Variants in ARHGEF2 observed in about 807,000 individuals in gnomAD.
ARHGEF2 encodes the protein rho guanine nucleotide exchange factor 2.
A neutral mutation model predicts 121.0 loss-of-function variants in ARHGEF2; 22 were observed. The observed-to-expected ratio is 0.18, with a 90% CI of 0.13 to 0.26. ARHGEF2 has a LOEUF of 0.26. Ranked by LOEUF, ARHGEF2 falls within the 10% of genes least tolerant of loss-of-function variation. The pLI is 1.00. For synonymous variants in ARHGEF2, 487 were observed against 530.0 expected (o/e 0.92, Z 1.11); for missense variants, 907 against 1,336.0 (o/e 0.68, Z 5.01).
intron 13 of ARHGEF2, among the ~76,000 whole-genome samples, chr1:155,956,887 CAAAAAA>C (rs34831517): frequency 6.2e-5 from 5 of 80,394 alleles, no homozygotes; most frequent in East Asian, 3.5e-4. Context: ...ACTCTGTCTC[CAAAAAA>C]AAAAAAAAAA....
At chr1:155,960,416 T>A (rs1465739217) in intron 11 of ARHGEF2, among the ~76,000 whole-genome samples, 7 of 151,074 alleles carry the variant, frequency 4.6e-5, no homozygotes, top group Non-Finnish European at 1.0e-4. Context: ...TACAGTGAGC[T>A]ATGACTGCAC....
At chr1:155,969,087 A>C in intron 2 of ARHGEF2, 69 bp downstream of exon 2, 1 of 1,584,310 alleles carries the variant, frequency 6.3e-7, no homozygotes, top group Non-Finnish European at 8.6e-7. Context: ...CCAGGCAGAA[A>C]AAACAGATGA....
chr1:155,972,227 C>A, intron 1 of ARHGEF2: 1 of 467,014 alleles, frequency 2.1e-6, no homozygotes. Flanking sequence ...TACTCTGGGC[C>A]CTGCCTCCTC....
intron 11 of ARHGEF2, among the ~76,000 whole-genome samples, chr1:155,959,910 G>A (rs12080846): frequency 0.26 from 39,421 of 151,938 alleles, 6,062 homozygotes; most frequent in East Asian, 0.78. Context: ...AGACCTTTAC[G>A]GCTATCTGAC....
chr1:155,967,375 G>A (rs983615524), intron 2 of ARHGEF2, among the ~76,000 whole-genome samples: 2 of 152,144 alleles, frequency 1.3e-5, no homozygotes, highest in African/African-American at 4.8e-5. Context: ...ACCCGTAGAG[G>A]GAGGTTCAGT....
In ARHGEF2 at chr1:155,947,676, TA is replaced by T; in HGVS notation, c.*265del. On this transcript the variant is annotated 3_prime_UTR_variant, in exon 22 of 22. Coordinates refer to ENST00000361247, the MANE Select transcript of ARHGEF2 (RefSeq NM_001162383.2). Reference sequence around the variant, plus strand: ...CTCTCCCCCCATAACTAATAAACAATAAATAAATAAATTTTCCTAAAGTTGC... The same window carrying T: ...CTCTCCCCCCATAACTAATAAACAATAATAAATAAATTTTCCTAAAGTTGC... The T allele has an allele frequency of 4.2e-6, 2 of 480,262 alleles. No homozygotes were observed. Among genetic ancestry groups the T allele is most frequent in the Non-Finnish European group, 7.5e-6 (2 of 267,440 alleles). 29.8% of individuals were successfully genotyped at this position (480,262 alleles called of 1,614,324 possible).
intron 7 of ARHGEF2, 111 bp downstream of exon 7, chr1:155,964,877 A>G: frequency 8.2e-7 from 1 of 1,222,894 alleles, no homozygotes; most frequent in Non-Finnish European, 1.1e-6. Context: ...TGGTTGAGAG[A>G]GTGAGACTCC....
intron 7 of ARHGEF2, among the ~76,000 whole-genome samples, chr1:155,963,940 T>C (rs920386222): frequency 1.1e-4 from 16 of 150,500 alleles, no homozygotes; most frequent in African/African-American, 3.9e-4. Flanking sequence ...AGGTCAGGTG[T>C]TCGAGACCAG....
intron 1 of ARHGEF2, chr1:155,969,539 C>T: frequency 7.3e-7 from 1 of 1,363,048 alleles, no homozygotes; most frequent in Non-Finnish European, 9.5e-7. Flanking sequence ...CCTACCTGGC[C>T]CCTACGGCTG....
At chr1:155,956,882 G>T (rs1361732444) in intron 13 of ARHGEF2, among the ~76,000 whole-genome samples, 1 of 92,006 alleles carries the variant, frequency 1.1e-5, no homozygotes, top group East Asian at 3.4e-4. Flanking sequence ...CAGAGACTCT[G>T]TCTCCAAAAA....
chr1:155,962,369 G>C lies in ARHGEF2; in HGVS notation c.1102-147C>G. Reference sequence around the variant, plus strand: ...GGAAAATGGGGATAACAACGCCACAGGTTTGTTGTGAGGACCAACTGAAGG... The same window carrying C: ...GGAAAATGGGGATAACAACGCCACACGTTTGTTGTGAGGACCAACTGAAGG... On this transcript the variant is annotated intron_variant, in intron 9 of 21. Transcript: ENST00000361247. The surrounding 1 kb of genome is among the most constrained non-coding windows in gnomAD (Gnocchi z 5.8). 4 of 1,038,084 alleles carry C rather than the reference G, an allele frequency of 3.9e-6. No homozygotes were observed. Among genetic ancestry groups the C allele is most frequent in the Non-Finnish European group, 5.6e-6 (4 of 712,196 alleles). The allele number at this position is 1,038,084 out of a possible 1,614,324, so 64.3% of individuals were successfully genotyped here.
chr1:155,958,190 T>G (rs1337208108), intron 12 of ARHGEF2, 130 bp downstream of exon 12: 17 of 723,872 alleles, frequency 2.3e-5, no homozygotes, highest in Admixed American at 5.3e-5. Flanking sequence ...TTTTTATTAT[T>G]ACGGTAATAG....
At chr1:155,967,027 A>G in intron 2 of ARHGEF2, 140 bp from the exon 3 acceptor site, 2 of 725,240 alleles carry the variant, frequency 2.8e-6, no homozygotes, top group South Asian at 1.6e-5. Flanking sequence ...GGCCATTACC[A>G]CACCCCAGTC....
At chr1:155,966,932 C>T in intron 2 of ARHGEF2, 45 bp from the exon 3 acceptor site, 1 of 1,563,370 alleles carries the variant, frequency 6.4e-7, no homozygotes, top group Non-Finnish European at 8.8e-7. Context: ...CCGGGTGGTA[C>T]AGGAGGGGAC....
At chr1:155,954,344 C>T (rs1676189832) in intron 14 of ARHGEF2, among the ~76,000 whole-genome samples, 1 of 133,000 alleles carries the variant, frequency 7.5e-6, no homozygotes, top group East Asian at 2.2e-4. Flanking sequence ...AGTGCAGTGG[C>T]GTGATCTCAG....
intron 7 of ARHGEF2, among the ~76,000 whole-genome samples, chr1:155,963,705 T>C (rs1678460586): frequency 6.6e-6 from 1 of 151,118 alleles, no homozygotes; most frequent in South Asian, 2.1e-4. Context: ...GAGGTCTTAC[T>C]CTGGTGCCCA....
intron 11 of ARHGEF2, among the ~76,000 whole-genome samples, chr1:155,960,042 C>A (rs1413561231): frequency 6.6e-6 from 1 of 152,162 alleles, no homozygotes; most frequent in Non-Finnish European, 1.5e-5. Context: ...TCTCCTTCAA[C>A]CCCAGCAGGC....
Position 155,964,180 on chromosome 1 carries a change from A to G in ARHGEF2, c.724+808T>C, listed in dbSNP as rs11264425. On this transcript the variant is annotated intron_variant, in intron 7 of 21. Coordinates refer to ENST00000361247, the MANE Select transcript of ARHGEF2 (RefSeq NM_001162383.2). Reference sequence around the variant, plus strand: ...AAAAAAAAAAAAAATATATATATATATATATATATATATATATACATATAT... The same window carrying G: ...AAAAAAAAAAAAAATATATATATATGTATATATATATATATATACATATAT... Among the ~76,000 whole-genome samples, 163 of 101,472 alleles carry G rather than the reference A, an allele frequency of 1.6e-3. 1 individual carries two copies. Among genetic ancestry groups the G allele is most frequent in the Middle Eastern group, 6.5e-3 (1 of 154 alleles). 66.6% of individuals were successfully genotyped at this position (101,472 alleles called of 152,430 possible).
At chr1:155,966,350 G>C (rs1679367853) in intron 4 of ARHGEF2, 66 bp downstream of exon 4, 1 of 1,506,648 alleles carries the variant, frequency 6.6e-7, no homozygotes, top group Non-Finnish European at 9.2e-7. Flanking sequence ...GGGCAGCAGA[G>C]CCCATGGGTT....
Sources: gnomAD v4.1 joint callset for allele counts (sites outside exome capture counted in the v4.1 genomes callset) on GRCh38, gnomAD v4.1.1 for gene constraint, Gnocchi (gnomAD v3.1) non-coding constraint, MANE v1.5 for transcripts, NCBI Gene and HGNC (gene_info 2026-07-23, HGNC 2026-07-21) for gene names.